PRKAR1A: variants seen among roughly 807,000 people sequenced by gnomAD.
PRKAR1A encodes the protein cAMP-dependent protein kinase type I-alpha regulatory subunit.
In PRKAR1A, 3 loss-of-function variants were observed where a neutral mutation model predicts 52.0. The observed-to-expected ratio is 0.06, with a 90% confidence interval of 0.03 to 0.15. The LOEUF (loss-of-function observed/expected upper bound fraction) is 0.15. PRKAR1A is among the 10% of genes least tolerant of loss of function. The probability of loss-of-function intolerance (pLI) is 1.00; values close to 1 mark genes in which losing one functional copy is unlikely to be tolerated. For missense variants in PRKAR1A, 240 were observed against 477.4 expected (o/e 0.50, Z 4.63); for synonymous variants, 188 against 168.4 (o/e 1.12, Z -0.90).
chr17:68,458,296 T>C, the PRKAR1A span, among the ~76,000 whole-genome samples: 2 of 152,222 alleles, frequency 1.3e-5, no homozygotes, highest in African/African-American at 4.8e-5. Flanking sequence ...GCTCCAAAGC[T>C]AAACAATTTG....
At chr17:68,539,274 T>C in intron 11 of PRKAR1A, 2 of 1,565,480 alleles carry the variant, frequency 1.3e-6, no homozygotes. Flanking sequence ...AGACCTTGGC[T>C]GCAAGCAGCA....
the PRKAR1A span, among the ~76,000 whole-genome samples, chr17:68,424,151 A>T: frequency 1.3e-5 from 2 of 152,236 alleles, no homozygotes; most frequent in African/African-American, 4.8e-5. Flanking sequence ...GTTAGGCAGC[A>T]TGCCAACAGA....
chr17:68,466,474 C>T, the PRKAR1A span, among the ~76,000 whole-genome samples: 1 of 139,236 alleles, frequency 7.2e-6, no homozygotes, highest in Non-Finnish European at 1.5e-5. Context: ...TGCAGTGGTG[C>T]GATCTCGGCT....
chr17:68,451,888 CAT>C, the PRKAR1A span, among the ~76,000 whole-genome samples: 5 of 152,336 alleles, frequency 3.3e-5, no homozygotes, highest in African/African-American at 1.2e-4. Context: ...ACATTCTTTT[CAT>C]ATGTGTGCCT....
At chr17:68,544,516 G>A (rs974760907) in intron 11 of PRKAR1A, among the ~76,000 whole-genome samples, 13 of 152,182 alleles carry the variant, frequency 8.5e-5, no homozygotes, top group Non-Finnish European at 1.5e-5. Context: ...AATCCACTGT[G>A]TGGGACTGTT....
chr17:68,433,783 T>G, the PRKAR1A span, among the ~76,000 whole-genome samples: 8 of 85,900 alleles, frequency 9.3e-5, 1 homozygote, highest in African/African-American at 2.8e-4. Context: ...TTTTTTTTTT[T>G]TTTTTTTTTT....
At chr17:68,420,293 A>G in the PRKAR1A span, 1 of 1,614,166 alleles carries the variant, frequency 6.2e-7, no homozygotes. Context: ...GCCCCTAGAA[A>G]GAGGTGGTGC....
rs1420903373 is a variant in PRKAR1A at position 68,532,233 on chromosome 17, A to AC, written c.*1785dup. 6 of 1,035,516 alleles carry AC rather than the reference A, an allele frequency of 5.8e-6. No individual in the cohort carries two copies. In the African/African-American group the frequency reaches 9.9e-5, roughly 17 times the overall value. The allele number at this position is 1,035,516 out of a possible 1,614,324, so 64.1% of individuals were successfully genotyped here. A position where few individuals can be genotyped will look rare whatever the true frequency, so the allele number is the denominator to read the frequency against. On this transcript the variant is annotated 3_prime_UTR_variant, in exon 11 of 11. Coordinates refer to ENST00000589228, the MANE Select transcript of PRKAR1A (RefSeq NM_002734.5). Reference sequence around the variant, plus strand: ...AATTAAAAATGAAAATTACGTTCTTACAAGCTTAAAGCTTGATTTGATCTT... The same window carrying AC: ...AATTAAAAATGAAAATTACGTTCTTACCAAGCTTAAAGCTTGATTTGATCTT...
chr17:68,486,529 CTTT>C, the PRKAR1A span, among the ~76,000 whole-genome samples: 33 of 123,322 alleles, frequency 2.7e-4, no homozygotes, highest in South Asian at 7.9e-4. Context: ...TTCTTTCTTT[CTTT>C]CTTTCTTTCT....
At chr17:68,420,201 C>T in the PRKAR1A span, 1 of 1,613,918 alleles carries the variant, frequency 6.2e-7, no homozygotes, top group Non-Finnish European at 8.5e-7. Flanking sequence ...GGAGCCAGGG[C>T]GTGTGATGGG....
the PRKAR1A span, among the ~76,000 whole-genome samples, chr17:68,482,070 G>A: frequency 1.5e-4 from 23 of 152,308 alleles, no homozygotes; most frequent in South Asian, 4.1e-4. Flanking sequence ...TCCAGTGGGG[G>A]ATGTAAAAGC....
chr17:68,508,055 A>C (rs77014802), upstream of PRKAR1A, among the ~76,000 whole-genome samples: 4,139 of 145,532 alleles, frequency 0.028, 166 homozygotes, highest in African/African-American at 0.096. Flanking sequence ...GGCCTCACTC[A>C]GTTGAAGGCC....
intron 1 of PRKAR1A, among the ~76,000 whole-genome samples, chr17:68,513,684 G>T (rs1238542634): frequency 6.6e-6 from 1 of 152,174 alleles, no homozygotes; most frequent in East Asian, 1.9e-4. Flanking sequence ...AGACTGTGAA[G>T]TCTGGTTATT....
At chr17:68,421,964 C>T in the PRKAR1A span, 1 of 933,924 alleles carries the variant, frequency 1.1e-6, no homozygotes, top group Middle Eastern at 2.2e-4. Context: ...TCGCTCATGG[C>T]CACAGAATGG....
At chr17:68,484,952 T>G in the PRKAR1A span, among the ~76,000 whole-genome samples, 1 of 152,242 alleles carries the variant, frequency 6.6e-6, no homozygotes, top group Non-Finnish European at 1.5e-5. Context: ...GAATGTGTTT[T>G]CTGCCACAAT....
At chr17:68,485,386 TAA>T in the PRKAR1A span, among the ~76,000 whole-genome samples, 27 of 152,212 alleles carry the variant, frequency 1.8e-4, 1 homozygote, top group Admixed American at 1.8e-3. Context: ...GTTTGCTTGG[TAA>T]AAGAGAAAGA....
chr17:68,507,303 G>A (rs1181431417), upstream of PRKAR1A, among the ~76,000 whole-genome samples: 2 of 152,236 alleles, frequency 1.3e-5, no homozygotes, highest in East Asian at 1.9e-4. Flanking sequence ...ATACACTGTG[G>A]AATGCTATGC....
chr17:68,523,086 G>T (rs548227708), intron 3 of PRKAR1A, among the ~76,000 whole-genome samples, 160 bp downstream of exon 3: 1 of 152,292 alleles, frequency 6.6e-6, no homozygotes, highest in East Asian at 1.9e-4. Context: ...GTAATAGCAT[G>T]CTGTCAGAGG....
In PRKAR1A at chr17:68,531,330, G is replaced by A. The variant is rs181131420; in HGVS notation, c.*881G>A. The A allele has an allele frequency of 3.8e-5, 40 of 1,066,092 alleles. No homozygotes were observed. Among genetic ancestry groups the A allele is most frequent in the Admixed American group, 1.6e-4 (3 of 18,758 alleles). 66.0% of individuals were successfully genotyped at this position (1,066,092 alleles called of 1,614,324 possible). A position where few individuals can be genotyped will look rare whatever the true frequency, so the allele number is the denominator to read the frequency against. Reference sequence around the variant, plus strand: ...TGTTAATTTAGAGCGTTTGGTTAAAGTATGTCCTTCAGCTGACTCCAGTAT... The same window carrying A: ...TGTTAATTTAGAGCGTTTGGTTAAAATATGTCCTTCAGCTGACTCCAGTAT... On this transcript the variant is annotated 3_prime_UTR_variant, in exon 11 of 11. Transcript: ENST00000589228.
Sources: gnomAD v4.1 joint callset for allele counts (sites outside exome capture counted in the v4.1 genomes callset) on GRCh38, gnomAD v4.1.1 for gene constraint, MANE v1.5 for transcripts, NCBI Gene and HGNC (gene_info 2026-07-23, HGNC 2026-07-21) for gene names.